Variants in ASIC2 observed in about 807,000 individuals in gnomAD.
ASIC2 encodes the protein acid sensing ion channel subunit 2.
In ASIC2, 25 loss-of-function variants were observed where a neutral mutation model predicts 57.3. The observed-to-expected ratio is 0.44, with a 90% CI of 0.32 to 0.61. The LOEUF (loss-of-function observed/expected upper bound fraction) is 0.61, where lower values mean the gene tolerates loss of function less well. Ranked by LOEUF, ASIC2 falls within the 20% of genes least tolerant of loss-of-function variation. The pLI is 0.06. For synonymous variants in ASIC2, 319 were observed against 307.5 expected (o/e 1.04, Z -0.39); for missense variants, 641 against 738.1 (o/e 0.87, Z 1.52).
intron 1 of ASIC2, among the ~76,000 whole-genome samples, chr17:34,106,480 G>C (rs918254323): frequency 1.3e-5 from 2 of 152,014 alleles, no homozygotes; most frequent in East Asian, 3.9e-4. Flanking sequence ...TCTAATGCCA[G>C]GAAGAAACCT....
At chr17:33,211,556 A>G (rs1236847279) in intron 1 of ASIC2, among the ~76,000 whole-genome samples, 3 of 150,684 alleles carry the variant, frequency 2.0e-5, no homozygotes, top group Non-Finnish European at 4.4e-5. Flanking sequence ...AAAAAAAATC[A>G]AAGTGAAGAT....
At chr17:33,070,086 A>T (rs1455292151) in intron 3 of ASIC2, among the ~76,000 whole-genome samples, 1 of 152,192 alleles carries the variant, frequency 6.6e-6, no homozygotes, top group African/African-American at 2.4e-5. Context: ...TCTTTAAGTC[A>T]TCATAGTCTA....
intron 1 of ASIC2, among the ~76,000 whole-genome samples, chr17:33,443,405 G>GTTTT (rs1567862521): frequency 1.0e-5 from 1 of 99,558 alleles, no homozygotes; most frequent in Admixed American, 1.0e-4. Context: ...TGGAGGGTAA[G>GTTTT]ATTTTTTTTT....
intron 1 of ASIC2, among the ~76,000 whole-genome samples, chr17:33,995,662 ATG>A (rs971297957): frequency 1.3e-5 from 2 of 152,048 alleles, no homozygotes; most frequent in East Asian, 1.9e-4. Context: ...GCGTGTATAT[ATG>A]TGTGTGTGTA....
intron 1 of ASIC2, among the ~76,000 whole-genome samples, chr17:33,512,764 C>G (rs1914464821): frequency 6.6e-6 from 1 of 152,226 alleles, no homozygotes; most frequent in Non-Finnish European, 1.5e-5. Flanking sequence ...CCTGGAATAG[C>G]TCCCATCACT....
chr17:33,033,956 G>A (rs2091897538), intron 3 of ASIC2, among the ~76,000 whole-genome samples: 2 of 152,126 alleles, frequency 1.3e-5, no homozygotes, highest in African/African-American at 4.8e-5. Context: ...CTGCAGAGAG[G>A]AGTACTCTCT....
chr17:33,071,072 A>C (rs1405343732), intron 3 of ASIC2, among the ~76,000 whole-genome samples: 1 of 151,898 alleles, frequency 6.6e-6, no homozygotes, highest in Non-Finnish European at 1.5e-5. Flanking sequence ...TTTCGGTATG[A>C]CTTTGCTGTA....
At chr17:33,980,545 A>C (rs909360515) in intron 1 of ASIC2, among the ~76,000 whole-genome samples, 1 of 152,170 alleles carries the variant, frequency 6.6e-6, no homozygotes, top group Admixed American at 6.5e-5. Context: ...GTTTTCTGGG[A>C]ACTTGGGTAG....
intron 1 of ASIC2, among the ~76,000 whole-genome samples, chr17:33,516,968 C>T (rs914434126): frequency 2.0e-5 from 3 of 152,196 alleles, no homozygotes; most frequent in African/African-American, 7.2e-5. Context: ...GTATCGGTGC[C>T]GCATGGGTCT....
intron 1 of ASIC2, among the ~76,000 whole-genome samples, chr17:33,393,174 C>T (rs190930268): frequency 8.5e-5 from 13 of 152,196 alleles, no homozygotes; most frequent in Admixed American, 3.3e-4. Context: ...TCAATGGCTC[C>T]CTGGTGCCTA....
At chr17:33,116,293 G>A (rs1054500369) in intron 1 of ASIC2, among the ~76,000 whole-genome samples, 3 of 152,172 alleles carry the variant, frequency 2.0e-5, no homozygotes, top group African/African-American at 4.8e-5. Flanking sequence ...TACACACAGC[G>A]CAATTTTGCT....
rs576547035 is a variant in ASIC2 at position 33,583,815 on chromosome 17, T to A, written c.556-471748A>T. 3.3e-5 allele frequency among the ~76,000 whole-genome samples: 5 copies of A among 152,308 alleles called. No individual in the cohort carries two copies. The East Asian group carries it at 9.7e-4, about 29-fold the overall frequency. On this transcript the variant is annotated intron_variant, in intron 1 of 9. Coordinates refer to the ASIC2 transcript ENST00000359872. ...TGATGCTCAGCTGCCACGGTTTCAT[T>A]TTATTCAGTCACAGCATGGGCAATT...
intron 1 of ASIC2, among the ~76,000 whole-genome samples, chr17:34,099,779 A>G (rs557065272): frequency 1.8e-5 from 1 of 57,024 alleles, no homozygotes; most frequent in African/African-American, 7.7e-5. Context: ...AGAAAGAAAG[A>G]AAGAAAGAAA....
At chr17:33,202,778 T>A (rs1407195430) in intron 1 of ASIC2, among the ~76,000 whole-genome samples, 3 of 152,206 alleles carry the variant, frequency 2.0e-5, no homozygotes, top group Non-Finnish European at 2.9e-5. Flanking sequence ...TTTAGCTTCA[T>A]CTTTCCAGCT....
At chr17:33,302,304 C>T (rs888917877) in intron 1 of ASIC2, among the ~76,000 whole-genome samples, 13 of 152,140 alleles carry the variant, frequency 8.5e-5, no homozygotes, top group African/African-American at 2.7e-4. Flanking sequence ...ACTCATGTGA[C>T]GAAAAGATAT....
chr17:33,499,407 T>C (rs1350561593), intron 1 of ASIC2, among the ~76,000 whole-genome samples: 1 of 152,190 alleles, frequency 6.6e-6, no homozygotes, highest in Non-Finnish European at 1.5e-5. Flanking sequence ...GGGGTGCTGA[T>C]GAAAGAACAC....
intron 1 of ASIC2, among the ~76,000 whole-genome samples, chr17:33,121,104 G>A (rs2092300707): frequency 6.6e-6 from 1 of 152,264 alleles, no homozygotes; most frequent in African/African-American, 2.4e-5. Context: ...CTCCGCCCAG[G>A]CAGGGAGTAT....
At chr17:34,009,949 C>T (rs1906655605) in intron 1 of ASIC2, among the ~76,000 whole-genome samples, 1 of 152,198 alleles carries the variant, frequency 6.6e-6, no homozygotes, top group South Asian at 2.1e-4. Context: ...CCCTATAAAT[C>T]ACCTTGATTT....
chr17:33,283,129 G>A (rs1905024041), intron 1 of ASIC2, among the ~76,000 whole-genome samples: 1 of 152,180 alleles, frequency 6.6e-6, no homozygotes, highest in Non-Finnish European at 1.5e-5. Flanking sequence ...TGATGCTTCT[G>A]ATATTGCACA....
Sources: gnomAD v4.1 joint callset for allele counts (sites outside exome capture counted in the v4.1 genomes callset) on GRCh38, gnomAD v4.1.1 for gene constraint, MANE v1.5 for transcripts, NCBI Gene and HGNC (gene_info 2026-07-23, HGNC 2026-07-21) for gene names.